The following OLFM3 variants were observed in gnomAD, a reference collection of about 807,000 sequenced individuals.
The protein encoded by OLFM3 is noelin-3.
In OLFM3, 20 loss-of-function variants were observed where a neutral mutation model predicts 48.6. The observed-to-expected ratio is 0.41, with a 90% CI of 0.29 to 0.60. The LOEUF (loss-of-function observed/expected upper bound fraction) is 0.60, where lower values mean the gene tolerates loss of function less well. Ranked by LOEUF, OLFM3 falls within the 20% of genes least tolerant of loss-of-function variation. The probability of loss-of-function intolerance (pLI) is 0.28; values close to 1 mark genes in which losing one functional copy is unlikely to be tolerated. For synonymous variants in OLFM3, 222 were observed against 198.1 expected (o/e 1.12, Z -1.01); for missense variants, 437 against 544.3 (o/e 0.80, Z 1.96).
intron 1 of OLFM3, among the ~76,000 whole-genome samples, chr1:101,881,573 A>G (rs190660122): frequency 3.4e-4 from 52 of 152,028 alleles, no homozygotes; most frequent in African/African-American, 1.2e-3. Flanking sequence ...GTATAATAAC[A>G]ATAAGGAGTA....
chr1:101,945,553 T>C lies in OLFM3; in HGVS notation c.69+51195A>G, dbSNP rs796118741. On this transcript the variant is annotated intron_variant, in intron 1 of 5. Coordinates refer to ENST00000370103, the MANE Select transcript of OLFM3 (RefSeq NM_058170.4). ...TACAAAGGGAAAATTGGAGTGGTGA[T>C]AGATTTTTTTTTTATATTGGTGATA... 2.8e-4 allele frequency among the ~76,000 whole-genome samples: 43 copies of C among 152,254 alleles called. 1 individual carries two copies. The highest frequency in any genetic ancestry group is 9.9e-4 in the African/African-American group (41 of 41,552).
chr1:101,897,950 A>G (rs145774397), intron 1 of OLFM3, among the ~76,000 whole-genome samples: 170 of 152,234 alleles, frequency 1.1e-3, no homozygotes, highest in Non-Finnish European at 2.0e-3. Context: ...CATATAAACA[A>G]TTAATATGTT....
At chr1:101,819,936 T>G (rs1023196784) in intron 4 of OLFM3, among the ~76,000 whole-genome samples, 2 of 152,038 alleles carry the variant, frequency 1.3e-5, no homozygotes, top group Non-Finnish European at 2.9e-5. Flanking sequence ...GGCCTAGCGC[T>G]TGTCAAGCAG....
At chr1:101,812,985 C>T in intron 4 of OLFM3, 2 of 1,057,184 alleles carry the variant, frequency 1.9e-6, no homozygotes, top group Non-Finnish European at 2.3e-6. Context: ...CATTTGACAA[C>T]CATTTACTGT....
At chr1:101,857,466 T>C (rs1656473423) in intron 1 of OLFM3, among the ~76,000 whole-genome samples, 1 of 151,960 alleles carries the variant, frequency 6.6e-6, no homozygotes, top group South Asian at 2.1e-4. Context: ...AGGCTTCTTA[T>C]CAGGTCTCTG....
intron 1 of OLFM3, among the ~76,000 whole-genome samples, chr1:101,980,378 A>G (rs1241072207): frequency 6.6e-6 from 1 of 152,136 alleles, no homozygotes; most frequent in Non-Finnish European, 1.5e-5. Flanking sequence ...TCCATGTGTC[A>G]AGGGTGGGAC....
At chr1:101,894,121 T>C (rs1368007227) in intron 1 of OLFM3, 3 of 154,086 alleles carry the variant, frequency 1.9e-5, no homozygotes, top group African/African-American at 7.2e-5. Flanking sequence ...GTAATCCTAA[T>C]ATGCTCACTA....
intron 1 of OLFM3, among the ~76,000 whole-genome samples, chr1:101,852,085 C>T (rs750650183): frequency 6.6e-6 from 1 of 152,044 alleles, no homozygotes; most frequent in Admixed American, 6.6e-5. Flanking sequence ...TAAATTTTCC[C>T]TCTTTAGCAG....
chr1:101,968,502 A>G (rs1660685113), intron 1 of OLFM3, among the ~76,000 whole-genome samples: 1 of 149,342 alleles, frequency 6.7e-6, no homozygotes, highest in Admixed American at 6.7e-5. Flanking sequence ...AGGAAACTTA[A>G]ATGAAAAAGA....
intron 1 of OLFM3, among the ~76,000 whole-genome samples, chr1:101,868,918 G>T (rs572384092): frequency 1.3e-5 from 2 of 152,336 alleles, no homozygotes; most frequent in East Asian, 3.9e-4. Flanking sequence ...GTGGTATTGG[G>T]CCTGTGTGTG....
chr1:101,825,258 GC>G lies in OLFM3; in HGVS notation c.373-14del. 2 of 1,606,434 alleles carry G rather than the reference GC, an allele frequency of 1.2e-6. No individual in the cohort carries two copies. The highest frequency in any genetic ancestry group is 1.7e-6 in the Non-Finnish European group (2 of 1,174,032). ...TCTCTTTCAACTCCTGTGAAAAGCA[GC>G]CTATTGTTCCTGAGAGTCATTTAAA... On this transcript the variant is annotated splice_polypyrimidine_tract_variant and intron_variant, in intron 3 of 5. Transcript: ENST00000370103.
intron 4 of OLFM3, among the ~76,000 whole-genome samples, chr1:101,820,861 T>C (rs1269391890): frequency 2.6e-5 from 4 of 152,136 alleles, no homozygotes; most frequent in Non-Finnish European, 5.9e-5. Context: ...TGTTTCTCTC[T>C]AATCCATTTC....
chr1:101,806,518 C>A (rs1401364914), intron 4 of OLFM3, among the ~76,000 whole-genome samples: 1 of 151,670 alleles, frequency 6.6e-6, no homozygotes, highest in Admixed American at 6.6e-5. Flanking sequence ...ACAAATGAAG[C>A]AAATTGCCCA....
intron 1 of OLFM3, among the ~76,000 whole-genome samples, chr1:101,872,683 T>C (rs1018654260): frequency 6.6e-6 from 1 of 152,012 alleles, no homozygotes; most frequent in Admixed American, 6.6e-5. Context: ...TATTCTGTAA[T>C]GAAACCTCAA....
At chr1:101,868,227 T>A (rs769367888) in intron 1 of OLFM3, among the ~76,000 whole-genome samples, 4 of 152,172 alleles carry the variant, frequency 2.6e-5, no homozygotes, top group Non-Finnish European at 5.9e-5. Flanking sequence ...TGGAATTGGG[T>A]AACAGCCAGA....
At chr1:101,838,530 T>C (rs1655546872) in intron 1 of OLFM3, among the ~76,000 whole-genome samples, 2 of 152,218 alleles carry the variant, frequency 1.3e-5, no homozygotes, top group African/African-American at 2.4e-5. Context: ...TGGAAGAAAG[T>C]TACCACATGT....
chr1:101,817,319 G>C (rs1336319168), intron 4 of OLFM3, among the ~76,000 whole-genome samples: 1 of 152,134 alleles, frequency 6.6e-6, no homozygotes, highest in Admixed American at 6.5e-5. Context: ...ATGCTCTTCT[G>C]TCTGCAGTAA....
chr1:101,897,789 T>C (rs1658255094), intron 1 of OLFM3, among the ~76,000 whole-genome samples: 1 of 152,164 alleles, frequency 6.6e-6, no homozygotes, highest in Non-Finnish European at 1.5e-5. Context: ...TTGATTAACA[T>C]AATCCAAGTA....
At position 101,992,239 on chromosome 1, in the gene OLFM3, C is replaced by A. The variant is rs571048514; in HGVS notation, c.69+4509G>T. Among the ~76,000 whole-genome samples the A allele has an allele frequency of 1.2e-4, 19 of 152,172 alleles. No homozygotes were observed. The South Asian group carries it at 2.5e-3, about 20-fold the overall frequency. On this transcript the variant is annotated intron_variant, in intron 1 of 5. Coordinates refer to ENST00000370103, the MANE Select transcript of OLFM3 (RefSeq NM_058170.4). Reference sequence around the variant, plus strand: ...AAGAGAATAGTTGCAAAGCTATAAGCAGTAAGAATTTTAAAAGAAAAATGA... The same window carrying A: ...AAGAGAATAGTTGCAAAGCTATAAGAAGTAAGAATTTTAAAAGAAAAATGA...
Sources: allele counts gnomAD v4.1 joint callset (sites outside exome capture counted in the v4.1 genomes callset), GRCh38; gene constraint gnomAD v4.1.1; transcripts MANE v1.5; gene names NCBI Gene and HGNC (gene_info 2026-07-23, HGNC 2026-07-21).